NTM: variants seen among roughly 807,000 people sequenced by gnomAD.
NTM encodes the protein IgLON family member 2.
A neutral mutation model predicts 42.1 loss-of-function variants in NTM; 13 were observed. The observed-to-expected ratio is 0.31, with a 90% CI of 0.20 to 0.49. The LOEUF is 0.49. NTM is among the 20% of genes least tolerant of loss of function. The pLI is 0.99. For synonymous variants in NTM, 187 were observed against 179.2 expected (o/e 1.04, Z -0.35); for missense variants, 373 against 452.8 (o/e 0.82, Z 1.60).
chr11:132,261,303 C>T (rs771681020), intron 4 of NTM, among the ~76,000 whole-genome samples: 139 of 152,266 alleles, frequency 9.1e-4, no homozygotes, highest in Non-Finnish European at 1.3e-3. Context: ...TGCTTAAAAT[C>T]AGGTTGTCTT....
chr11:131,419,826 A>G (rs1455399852), intron 1 of NTM, among the ~76,000 whole-genome samples: 1 of 152,154 alleles, frequency 6.6e-6, no homozygotes, highest in African/African-American at 2.4e-5. Flanking sequence ...ATTACACTCA[A>G]ATAAAGTGAG....
intron 3 of NTM, among the ~76,000 whole-genome samples, chr11:132,147,213 G>GAA (rs1768778952): frequency 2.1e-5 from 3 of 141,688 alleles, no homozygotes; most frequent in African/African-American, 8.6e-5. Flanking sequence ...GTGTGTGTGT[G>GAA]TGAGAGAGAG....
chr11:131,658,548 G>A (rs1478460319), intron 1 of NTM, among the ~76,000 whole-genome samples: 4 of 152,184 alleles, frequency 2.6e-5, no homozygotes, highest in Admixed American at 6.5e-5. Context: ...GGATGCAGAC[G>A]AGGACGGCAT....
intron 4 of NTM, among the ~76,000 whole-genome samples, chr11:132,248,778 C>T (rs1015396746): frequency 6.6e-6 from 1 of 152,248 alleles, no homozygotes; most frequent in Non-Finnish European, 1.5e-5. Context: ...GTATCAGCCA[C>T]TCAGCATGGA....
intron 4 of NTM, among the ~76,000 whole-genome samples, chr11:132,260,285 A>C (rs2092768653): frequency 6.6e-6 from 1 of 152,120 alleles, no homozygotes; most frequent in Non-Finnish European, 1.5e-5. Context: ...AGAGAACATA[A>C]GTTCAGAGAA....
intron 4 of NTM, among the ~76,000 whole-genome samples, chr11:132,304,317 G>T (rs1355615750): frequency 6.6e-6 from 1 of 151,800 alleles, no homozygotes; most frequent in Non-Finnish European, 1.5e-5. Context: ...TGACCGTGAA[G>T]TTTCTTTTCA....
intron 2 of NTM, among the ~76,000 whole-genome samples, chr11:131,961,467 C>T (rs1205314087): frequency 6.6e-6 from 1 of 152,146 alleles, no homozygotes; most frequent in Non-Finnish European, 1.5e-5. Flanking sequence ...CTATCAAATC[C>T]ATTATTTAAT....
chr11:131,806,786 T>C lies in NTM; in HGVS notation c.83-104778T>C, dbSNP rs113828065. Among the ~76,000 whole-genome samples the C allele has an allele frequency of 7.3e-3, 1,110 of 152,320 alleles. 7 individuals carry two copies. The highest frequency in any genetic ancestry group is 0.025 in the African/African-American group (1,032 of 41,564). ...AAAAACCAGTCCAATTCAACTGATA[T>C]TTATGGATTTCTTATTAGGCTCCAG... On this transcript the variant is annotated intron_variant, in intron 1 of 8. Transcript: ENST00000683400.
At chr11:131,562,283 T>C (rs1033581801) in intron 1 of NTM, among the ~76,000 whole-genome samples, 7 of 152,272 alleles carry the variant, frequency 4.6e-5, no homozygotes, top group African/African-American at 1.7e-4. Flanking sequence ...GGGCGATTCA[T>C]CTTGCAGCAG....
At position 132,101,556 on chromosome 11, in the gene NTM, T is replaced by C. The variant is rs9630203; in HGVS notation, c.168-44726T>C. 2.3e-4 allele frequency among the ~76,000 whole-genome samples: 30 copies of C among 131,150 alleles called. 2 individuals are homozygous for C. Among genetic ancestry groups the C allele is most frequent in the East Asian group, 1.5e-3 (7 of 4,588 alleles). The allele number at this position is 131,150 out of a possible 152,430, so 86.0% of individuals were successfully genotyped here. A position where few individuals can be genotyped will look rare whatever the true frequency, so the allele number is the denominator to read the frequency against. On this transcript the variant is annotated intron_variant, in intron 2 of 8. Coordinates refer to ENST00000683400, the MANE Select transcript of NTM (RefSeq NM_001352005.2). Reference sequence around the variant, plus strand: ...TTTGGATAGACCAAGGAACACAACCTTGTGTGTGTGTGTGTGTGTGTGTGT... The same window carrying C: ...TTTGGATAGACCAAGGAACACAACCCTGTGTGTGTGTGTGTGTGTGTGTGT...
intron 2 of NTM, among the ~76,000 whole-genome samples, chr11:132,143,242 C>T (rs1001958762): frequency 1.3e-5 from 2 of 152,172 alleles, no homozygotes; most frequent in Admixed American, 6.5e-5. Flanking sequence ...AGGGAGCTCT[C>T]CAGACCAGCA....
intron 1 of NTM, among the ~76,000 whole-genome samples, chr11:131,697,537 A>T (rs528541146): frequency 2.0e-5 from 3 of 152,264 alleles, no homozygotes; most frequent in Admixed American, 6.5e-5. Flanking sequence ...CTGCTATTCC[A>T]TAGTCCCCAT....
At chr11:131,664,522 C>G (rs779086987) in intron 1 of NTM, among the ~76,000 whole-genome samples, 1 of 152,108 alleles carries the variant, frequency 6.6e-6, no homozygotes, top group Non-Finnish European at 1.5e-5. Context: ...CACTCAGAGG[C>G]GTATGGGCCC....
At chr11:132,128,157 G>A (rs1014782222) in intron 2 of NTM, among the ~76,000 whole-genome samples, 2 of 152,182 alleles carry the variant, frequency 1.3e-5, no homozygotes, top group Non-Finnish European at 2.9e-5. Flanking sequence ...GAAGCACATG[G>A]CAGTGGTATA....
chr11:132,327,527 C>T (rs1156812306), intron 7 of NTM, among the ~76,000 whole-genome samples: 1 of 152,142 alleles, frequency 6.6e-6, no homozygotes, highest in Non-Finnish European at 1.5e-5. Flanking sequence ...ACAGAAAGCA[C>T]AAAAGAAAGA....
Position 131,627,261 on chromosome 11 carries a change from C to T in NTM, c.82+256373C>T, listed in dbSNP as rs189632211. Among the ~76,000 whole-genome samples, 9 of 147,236 alleles carry T rather than the reference C, an allele frequency of 6.1e-5. No individual in the cohort carries two copies. In the East Asian group the frequency reaches 8.0e-4, roughly 13 times the overall value. On this transcript the variant is annotated intron_variant, in intron 1 of 8. Transcript: ENST00000683400. ...GTGGGTTTGGGGGTATGGGGAAGGA[C>T]GTAAATAGGAGTGGAAAAAGAATAT...
intron 1 of NTM, among the ~76,000 whole-genome samples, chr11:131,642,847 T>TC (rs1163323574): frequency 6.6e-6 from 1 of 152,090 alleles, no homozygotes; most frequent in Non-Finnish European, 1.5e-5. Flanking sequence ...TTTTCCTCAG[T>TC]CCCCCTCTGC....
At chr11:132,108,328 C>A (rs1482583989) in intron 2 of NTM, among the ~76,000 whole-genome samples, 1 of 152,150 alleles carries the variant, frequency 6.6e-6, no homozygotes, top group Non-Finnish European at 1.5e-5. Flanking sequence ...ATACTCTGTT[C>A]TCCAAAAGAA....
At chr11:131,462,747 C>A (rs1951509442) in intron 1 of NTM, among the ~76,000 whole-genome samples, 1 of 142,410 alleles carries the variant, frequency 7.0e-6, no homozygotes, top group African/African-American at 2.9e-5. Context: ...AAGGGCCTGG[C>A]AGCAAAACTG....
Sources: allele counts gnomAD v4.1 joint callset (sites outside exome capture counted in the v4.1 genomes callset), GRCh38; gene constraint gnomAD v4.1.1; transcripts MANE v1.5; gene names NCBI Gene and HGNC (gene_info 2026-07-23, HGNC 2026-07-21).